The following SIPA1L1 variants were observed in gnomAD, a reference collection of about 807,000 sequenced individuals.
The protein encoded by SIPA1L1 is signal-induced proliferation-associated 1-like protein 1.
A neutral mutation model predicts 162.7 loss-of-function variants in SIPA1L1; 26 were observed. The ratio of observed to expected loss-of-function variants is 0.16; its 90% CI spans 0.12 to 0.22. The LOEUF (loss-of-function observed/expected upper bound fraction) is 0.22, where lower values mean the gene tolerates loss of function less well. Ranked by LOEUF, SIPA1L1 falls within the 10% of genes least tolerant of loss-of-function variation. SIPA1L1 has a pLI of 1.00. For synonymous variants in SIPA1L1, 829 were observed against 837.4 expected, an observed-to-expected ratio of 0.99 and a Z score of 0.17; for missense variants, 1,874 against 2,241.0, an observed-to-expected ratio of 0.84 and a Z score of 3.31.
rs781253192 is a variant in SIPA1L1, at chr14:71,671,612, T to A, written c.2749T>A (p.Phe917Ile). The A allele has an allele frequency of 1.9e-6, 3 of 1,614,044 alleles. No homozygotes were observed. The South Asian group carries it at 3.3e-5, about 18-fold the overall frequency. ...TTCAACTGACACCAGCCTCAAAATC[T>A]TCTATGAACGAGGAGAATGTGTTTC... ...WTSTDTSLKIFYERGECVSVG... is the reference protein window; with the variant it reads ...WTSTDTSLKIIYERGECVSVG... The change falls in exon 11 of 24, where the codon TTC (phenylalanine) becomes ATC (isoleucine). Residue 917 changes from phenylalanine (F) to isoleucine (I), a missense_variant. Phe to Ile is a conservative substitution (Grantham distance 21). Coordinates refer to ENST00000381232, the MANE Select transcript of SIPA1L1 (RefSeq NM_001386936.1).
chr14:71,532,610 T>C (rs971453559), intron 4 of SIPA1L1, among the ~76,000 whole-genome samples: 2 of 152,234 alleles, frequency 1.3e-5, no homozygotes, highest in Non-Finnish European at 2.9e-5. Flanking sequence ...CAATACTACA[T>C]GAATCATCTA....
At chr14:71,730,022 T>C in intron 19 of SIPA1L1, 33 bp from the exon 20 acceptor site, 1 of 1,599,520 alleles carries the variant, frequency 6.3e-7, no homozygotes. Context: ...AACCAGAAAA[T>C]TGACTTTCTT....
intron 5 of SIPA1L1, among the ~76,000 whole-genome samples, chr14:71,590,551 G>GAT (rs1303733287): frequency 6.6e-6 from 1 of 152,080 alleles, no homozygotes; most frequent in Admixed American, 6.5e-5. Flanking sequence ...ATTACTACAT[G>GAT]ATAGGTCCCA....
At chr14:71,401,853 GT>G (rs1278137990) in intron 2 of SIPA1L1, among the ~76,000 whole-genome samples, 2 of 151,940 alleles carry the variant, frequency 1.3e-5, no homozygotes, top group Non-Finnish European at 2.9e-5. Flanking sequence ...TGTTTTTCCA[GT>G]TTTTTTCTGA....
intron 2 of SIPA1L1, chr14:71,413,991 C>G (rs1483796547): frequency 6.6e-6 from 1 of 152,168 alleles, no homozygotes; most frequent in East Asian, 1.9e-4. Flanking sequence ...GCAAGATATA[C>G]TACTAACTTT....
intron 2 of SIPA1L1, among the ~76,000 whole-genome samples, chr14:71,437,610 C>T (rs1200590044): frequency 6.6e-6 from 1 of 152,146 alleles, no homozygotes; most frequent in Non-Finnish European, 1.5e-5. Context: ...GATCTGCCCG[C>T]CTGGACTTCC....
At chr14:71,433,684 C>A (rs77098076) in intron 2 of SIPA1L1, among the ~76,000 whole-genome samples, 2,236 of 152,154 alleles carry the variant, frequency 0.015, 34 homozygotes, top group Middle Eastern at 0.034. Context: ...TCATTGAAGA[C>A]CAAAACTTTG....
At chr14:71,574,635 A>G (rs1315704701) in intron 4 of SIPA1L1, 2 of 152,182 alleles carry the variant, frequency 1.3e-5, no homozygotes, top group Admixed American at 6.5e-5. Context: ...ACACAAGACT[A>G]TGTTTTAAGA....
chr14:71,402,441 C>T (rs575158916), intron 2 of SIPA1L1, among the ~76,000 whole-genome samples: 2 of 151,814 alleles, frequency 1.3e-5, no homozygotes, highest in Non-Finnish European at 2.9e-5. Context: ...CTCCGCCTCC[C>T]GGGTTCAAGT....
At chr14:71,665,890 A>G (rs1428159587) in intron 10 of SIPA1L1, among the ~76,000 whole-genome samples, 1 of 152,196 alleles carries the variant, frequency 6.6e-6, no homozygotes, top group Non-Finnish European at 1.5e-5. Flanking sequence ...TACTTTAATA[A>G]TAGTTATATG....
intron 2 of SIPA1L1, among the ~76,000 whole-genome samples, chr14:71,498,060 C>G (rs373762859): frequency 6.6e-6 from 1 of 152,156 alleles, no homozygotes; most frequent in African/African-American, 2.4e-5. Context: ...CTTCTTATGA[C>G]TTTAATTTGC....
In SIPA1L1 at chr14:71,639,908, T is replaced by G. The variant is rs74531465; in HGVS notation, c.1819-10427T>G. On this transcript the variant is annotated intron_variant, in intron 7 of 23. Coordinates refer to ENST00000381232, the MANE Select transcript of SIPA1L1 (RefSeq NM_001386936.1). ...ACCTTGACTTTTTGGGTTTTTTTGT[T>G]TTTTTGTTTTTTTGAGACTGAGTCT... 6.1e-3 allele frequency among the ~76,000 whole-genome samples: 934 copies of G among 152,152 alleles called. 12 individuals are homozygous for G. The highest frequency in any genetic ancestry group is 0.022 in the African/African-American group (902 of 41,512).
chr14:71,608,021 G>T (rs1426804268), intron 5 of SIPA1L1, among the ~76,000 whole-genome samples: 2 of 152,126 alleles, frequency 1.3e-5, no homozygotes, highest in African/African-American at 4.8e-5. Context: ...GAAATTAGGT[G>T]CTCAAAAAAA....
At chr14:71,391,147 C>T (rs1050848407) in intron 2 of SIPA1L1, among the ~76,000 whole-genome samples, 1 of 130,052 alleles carries the variant, frequency 7.7e-6, no homozygotes, top group Non-Finnish European at 1.6e-5. Flanking sequence ...TGCTCTGTTG[C>T]CCAGGCTGGA....
chr14:71,432,279 G>T (rs1416458969), intron 2 of SIPA1L1, among the ~76,000 whole-genome samples: 1 of 151,832 alleles, frequency 6.6e-6, no homozygotes, highest in East Asian at 1.9e-4. Flanking sequence ...TTACTATGTT[G>T]CCAGGTTGGT....
intron 2 of SIPA1L1, among the ~76,000 whole-genome samples, chr14:71,501,325 T>C (rs946670775): frequency 2.0e-5 from 3 of 151,088 alleles, no homozygotes; most frequent in African/African-American, 7.3e-5. Flanking sequence ...GTCTCAAAAA[T>C]AAATAAATAA....
chr14:71,495,743 T>G (rs1320442700), intron 2 of SIPA1L1, among the ~76,000 whole-genome samples: 1 of 151,516 alleles, frequency 6.6e-6, no homozygotes, highest in Non-Finnish European at 1.5e-5. Context: ...TAAAATAGGT[T>G]TAAGTTTAAA....
At chr14:71,721,351 T>C (rs2083712463) in intron 17 of SIPA1L1, among the ~76,000 whole-genome samples, 1 of 152,166 alleles carries the variant, frequency 6.6e-6, no homozygotes. Flanking sequence ...AGCACTCCCA[T>C]GGCCACCACA....
At chr14:71,636,219 G>A (rs1479516275) in intron 7 of SIPA1L1, among the ~76,000 whole-genome samples, 2 of 152,148 alleles carry the variant, frequency 1.3e-5, no homozygotes, top group East Asian at 3.8e-4. Flanking sequence ...TTGACATAAA[G>A]CACTTTACTC....
Sources: allele counts gnomAD v4.1 joint callset (sites outside exome capture counted in the v4.1 genomes callset), GRCh38; gene constraint gnomAD v4.1.1; transcripts MANE v1.5; gene names NCBI Gene and HGNC (gene_info 2026-07-23, HGNC 2026-07-21).